Variants in CAPN13 observed in about 807,000 individuals in gnomAD.
CAPN13 encodes the protein calpain 13.
Under a neutral mutation model 98.4 loss-of-function variants are expected in CAPN13, and 90 were observed. The ratio of observed to expected loss-of-function variants is 0.92; its 90% CI spans 0.77 to 1.09. CAPN13 has a LOEUF of 1.09. Ranked by LOEUF, CAPN13 falls within the 50% of genes least tolerant of loss-of-function variation. CAPN13 has a pLI of 0.00. For synonymous variants in CAPN13, 330 were observed against 305.5 expected (o/e 1.08, Z -0.84); for missense variants, 887 against 841.3 (o/e 1.05, Z -0.67).
intron 1 of CAPN13, among the ~76,000 whole-genome samples, chr2:30,800,116 A>AGAAAGAAAG (rs1675124908): frequency 1.2e-5 from 1 of 85,596 alleles, no homozygotes; most frequent in Non-Finnish European, 2.3e-5. Context: ...GAAAAGAAAG[A>AGAAAGAAAG]AAAGAAAGAA....
chr2:30,781,440 G>T (rs939406124), intron 2 of CAPN13, among the ~76,000 whole-genome samples: 3 of 152,196 alleles, frequency 2.0e-5, no homozygotes, highest in African/African-American at 7.2e-5. Context: ...TTACTTCTGG[G>T]CATGTCCATG....
chr2:30,741,326 A>C, intron 15 of CAPN13: 81 of 907,086 alleles, frequency 8.9e-5, no homozygotes, highest in Non-Finnish European at 9.6e-5. Context: ...GCGGCAGGGT[A>C]GAGATGATCA....
chr2:30,763,218 AAC>A (rs1672936025), intron 6 of CAPN13, 62 bp from the exon 7 acceptor site: 1 of 1,470,864 alleles, frequency 6.8e-7, no homozygotes, highest in Non-Finnish European at 9.3e-7. Flanking sequence ...GAAATAGAAA[AAC>A]ACAGTCCAAA....
chr2:30,726,909 T>C (rs1204701345), intron 22 of CAPN13, among the ~76,000 whole-genome samples: 1 of 152,052 alleles, frequency 6.6e-6, no homozygotes, highest in Non-Finnish European at 1.5e-5. Flanking sequence ...AAAAGTAAAA[T>C]AAAGTTGGAA....
chr2:30,774,363 T>C (rs1049494829), intron 4 of CAPN13, among the ~76,000 whole-genome samples: 1 of 151,780 alleles, frequency 6.6e-6, no homozygotes, highest in Non-Finnish European at 1.5e-5. Flanking sequence ...AAATCAAAAG[T>C]TGATTTGTCA....
At chr2:30,731,932 G>A (rs115265753) in intron 20 of CAPN13, among the ~76,000 whole-genome samples, 4,240 of 152,248 alleles carry the variant, frequency 0.028, 95 homozygotes, top group Non-Finnish European at 0.045. Context: ...TGCAATCATG[G>A]TGGCCCCACT....
intron 17 of CAPN13, chr2:30,737,188 T>C (rs139197341): frequency 6.6e-6 from 1 of 152,636 alleles, no homozygotes; most frequent in African/African-American, 2.4e-5. Flanking sequence ...GTGAGGACCA[T>C]TTGGATTCCT....
chr2:30,737,928 C>CT (rs772195827), intron 17 of CAPN13: 19 of 397,240 alleles, frequency 4.8e-5, no homozygotes, highest in South Asian at 2.7e-5. Context: ...TGAGATGATA[C>CT]TTTTTTGTAT....
Position 30,757,001 on chromosome 2 carries a change from C to A in CAPN13, c.866+1045G>T, listed in dbSNP as rs76212106. The stretch of plus-strand genomic sequence containing the variant: ...CCTGCCACAGCTTAGCCTGGGGCAT[C>A]AGGCCTAGAACTGGCTGGCTCTGCA... On this transcript the variant is annotated intron_variant, in intron 8 of 22. Coordinates refer to ENST00000295055, the MANE Select transcript of CAPN13 (RefSeq NM_144575.3). 7.0e-4 allele frequency among the ~76,000 whole-genome samples: 107 copies of A among 152,320 alleles called. No homozygotes were observed. The Middle Eastern group carries it at 0.01, about 15-fold the overall frequency.
At chr2:30,762,006 G>T (rs1672873829) in intron 7 of CAPN13, among the ~76,000 whole-genome samples, 1 of 152,182 alleles carries the variant, frequency 6.6e-6, no homozygotes, top group Non-Finnish European at 1.5e-5. Context: ...GTCTCTCAGG[G>T]CTTAGAAGAC....
chr2:30,766,944 A>G (rs1673143913), intron 5 of CAPN13, among the ~76,000 whole-genome samples: 1 of 152,210 alleles, frequency 6.6e-6, no homozygotes, highest in South Asian at 2.1e-4. Context: ...GCACCCTTGG[A>G]GGGAAGAGGT....
At chr2:30,737,509 G>C (rs1671433727) in intron 17 of CAPN13, 1 of 152,542 alleles carries the variant, frequency 6.6e-6, no homozygotes, top group Non-Finnish European at 1.5e-5. Context: ...AGGGTCAGGA[G>C]TCTGGGGTTC....
intron 9 of CAPN13, among the ~76,000 whole-genome samples, chr2:30,753,654 G>A (rs1328283463): frequency 6.6e-6 from 1 of 152,098 alleles, no homozygotes; most frequent in African/African-American, 2.4e-5. Context: ...AGAGATACTG[G>A]GAAAGATTTC....
chr2:30,738,984 T>A (rs1172593167), intron 15 of CAPN13, among the ~76,000 whole-genome samples: 1 of 152,170 alleles, frequency 6.6e-6, no homozygotes, highest in African/African-American at 2.4e-5. Context: ...TTACGTAGCA[T>A]TAATTTTCCC....
At position 30,789,977 on chromosome 2, in the gene CAPN13, G is replaced by A. The variant is rs370397626; in HGVS notation, c.-32-2620C>T. Among the ~76,000 whole-genome samples, 6 of 152,306 alleles carry A rather than the reference G, an allele frequency of 3.9e-5. No homozygotes were observed. The South Asian group carries it at 1.2e-3, about 32-fold the overall frequency. ...AGGCCTGGGGGAAGGGAAGGCTTGG[G>A]GACAGGCAGCAGGCTGGGTGTCTGC... On this transcript the variant is annotated intron_variant, in intron 1 of 22. Transcript: ENST00000295055.
intron 2 of CAPN13, among the ~76,000 whole-genome samples, chr2:30,786,258 G>T (rs576685004): frequency 1.3e-5 from 2 of 152,336 alleles, no homozygotes; most frequent in South Asian, 4.1e-4. Context: ...ATATTATAAT[G>T]ATTAGCTTAC....
At chr2:30,806,808 T>C (rs1675656723) in intron 1 of CAPN13, among the ~76,000 whole-genome samples, 1 of 152,208 alleles carries the variant, frequency 6.6e-6, no homozygotes, top group African/African-American at 2.4e-5. Context: ...CCCAGAGTTG[T>C]CAACTTCATT....
chr2:30,787,254 C>T lies in CAPN13; in HGVS notation c.72G>A (p.Leu24=), dbSNP rs768376821. The change falls in exon 2 of 23, where the codon TTG becomes TTA. Residue 24 remains leucine (L), a synonymous_variant. Transcript: ENST00000295055. ...IKFKDQDFTT[L]RDHCLSMGRT... is the part of the protein sequence containing the mutation. ...GGCCCATGCTCAGGCAGTGATCCCGCAAGGTGGTAAAGTCCTGGTCTTTGA... is the reference window on the plus strand; with the variant it reads ...GGCCCATGCTCAGGCAGTGATCCCGTAAGGTGGTAAAGTCCTGGTCTTTGA... 2 of 1,613,200 alleles carry T rather than the reference C, an allele frequency of 1.2e-6. No homozygotes were observed. Among genetic ancestry groups the T allele is most frequent in the Non-Finnish European group, 1.7e-6 (2 of 1,179,664 alleles).
At chr2:30,733,608 A>G (rs1671210529) in intron 19 of CAPN13, among the ~76,000 whole-genome samples, 1 of 151,962 alleles carries the variant, frequency 6.6e-6, no homozygotes, top group African/African-American at 2.4e-5. Flanking sequence ...AGGTGCAGCA[A>G]TCTGTGCTTT....
Sources: allele counts gnomAD v4.1 joint callset (sites outside exome capture counted in the v4.1 genomes callset), GRCh38; gene constraint gnomAD v4.1.1; transcripts MANE v1.5; gene names NCBI Gene and HGNC (gene_info 2026-07-23, HGNC 2026-07-21).